AMBRA1: variants seen among roughly 807,000 people sequenced by gnomAD.
The protein encoded by AMBRA1 is activating molecule in BECN1-regulated autophagy protein 1.
Under a neutral mutation model 125.4 loss-of-function variants are expected in AMBRA1, and 47 were observed. The ratio of observed to expected loss-of-function variants is 0.37; its 90% CI spans 0.30 to 0.48. The LOEUF is 0.48. Among genes scored for constraint, AMBRA1 ranks in the 20% least tolerant of loss-of-function variants. The probability of loss-of-function intolerance (pLI) is 0.99; values close to 1 mark genes in which losing one functional copy is unlikely to be tolerated. For synonymous variants in AMBRA1, 626 were observed against 655.5 expected (o/e 0.95, Z 0.69); for missense variants, 1,331 against 1,693.4 (o/e 0.79, Z 3.76).
chr11:46,449,326 A>T (rs1465441979), intron 11 of AMBRA1, among the ~76,000 whole-genome samples: 1 of 152,358 alleles, frequency 6.6e-6, no homozygotes, highest in Non-Finnish European at 1.5e-5. Context: ...CTATTAAATA[A>T]TTATAGCAAG....
chr11:46,539,064 T>C (rs1336086466), intron 7 of AMBRA1, among the ~76,000 whole-genome samples: 1 of 151,700 alleles, frequency 6.6e-6, no homozygotes, highest in Non-Finnish European at 1.5e-5. Flanking sequence ...GAAAATCTAG[T>C]GGTTACAGAC....
chr11:46,484,711 A>G (rs1201928838), intron 11 of AMBRA1, among the ~76,000 whole-genome samples: 1 of 150,740 alleles, frequency 6.6e-6, no homozygotes, highest in Non-Finnish European at 1.5e-5. Flanking sequence ...CAGTGGTGCG[A>G]TCTCTGGCTC....
intron 15 of AMBRA1, among the ~76,000 whole-genome samples, chr11:46,414,885 A>C (rs539435082): frequency 6.8e-4 from 103 of 152,272 alleles, no homozygotes; most frequent in African/African-American, 2.4e-3. Context: ...TCTACTGCCA[A>C]GTGGGTTTTA....
chr11:46,484,387 AT>A (rs1950191505), intron 11 of AMBRA1, among the ~76,000 whole-genome samples: 1 of 152,222 alleles, frequency 6.6e-6, no homozygotes, highest in Non-Finnish European at 1.5e-5. Flanking sequence ...GTCATTATAG[AT>A]TAGAGAGAAT....
At chr11:46,434,511 T>C (rs531951906) in intron 13 of AMBRA1, among the ~76,000 whole-genome samples, 2 of 152,324 alleles carry the variant, frequency 1.3e-5, no homozygotes, top group African/African-American at 4.8e-5. Context: ...TTTCTGATTA[T>C]TTCCTTAAAA....
intron 1 of AMBRA1, among the ~76,000 whole-genome samples, chr11:46,586,167 G>A (rs988950400): frequency 1.3e-5 from 2 of 152,152 alleles, no homozygotes; most frequent in African/African-American, 4.8e-5. Flanking sequence ...AGCACTTAGG[G>A]AGATCGAGGT....
intron 7 of AMBRA1, among the ~76,000 whole-genome samples, chr11:46,533,071 G>A (rs369655473): frequency 6.6e-5 from 10 of 152,114 alleles, no homozygotes; most frequent in African/African-American, 2.2e-4. Flanking sequence ...GCTGAGGCAC[G>A]AGAATCGCTT....
At chr11:46,531,192 T>TC (rs1432520539) in intron 7 of AMBRA1, among the ~76,000 whole-genome samples, 1 of 151,864 alleles carries the variant, frequency 6.6e-6, no homozygotes, top group Non-Finnish European at 1.5e-5. Flanking sequence ...CCACACTCAC[T>TC]CATTTAGATA....
At chr11:46,399,836 GAGGGAGAGA>G (rs892260989) in intron 17 of AMBRA1, among the ~76,000 whole-genome samples, 2 of 152,202 alleles carry the variant, frequency 1.3e-5, no homozygotes, top group African/African-American at 4.8e-5. Context: ...CAGGTCTAGG[GAGGGAGAGA>G]AGGATCTGTC....
At position 46,543,270 on chromosome 11, in the gene AMBRA1, G is replaced by A. The variant is rs1298701426; in HGVS notation, c.747C>T (p.Ser249=). 1 of 1,614,060 alleles carries A rather than the reference G, an allele frequency of 6.2e-7. No homozygotes were observed. The highest frequency in any genetic ancestry group is 8.5e-7 in the Non-Finnish European group (1 of 1,180,004). ...CTCCCACCTGGATGCCAGAAGAGCG[G>A]GAGGACAGCATGTGCAGGAAATTGT... The part of the protein sequence containing the change: ...LLHNFLHMLS[S]RSSGIQVGEQ... The change falls in exon 7 of 18, where the codon TCC becomes TCT. Residue 249 remains serine, a synonymous_variant. Coordinates refer to ENST00000683756, the MANE Select transcript of AMBRA1 (RefSeq NM_001387011.1).
chr11:46,447,704 T>C (rs1262390677), intron 11 of AMBRA1, among the ~76,000 whole-genome samples: 1 of 150,276 alleles, frequency 6.7e-6, no homozygotes, highest in Non-Finnish European at 1.5e-5. Flanking sequence ...AGCCAGACCA[T>C]CTTGTAGATA....
chr11:46,418,394 T>C (rs1232035048), intron 14 of AMBRA1, among the ~76,000 whole-genome samples: 1 of 145,742 alleles, frequency 6.9e-6, no homozygotes, highest in African/African-American at 2.5e-5. Context: ...ATATTTATTA[T>C]ATATTATATA....
chr11:46,507,590 AAAG>A (rs1477270934), intron 9 of AMBRA1, among the ~76,000 whole-genome samples: 2 of 152,188 alleles, frequency 1.3e-5, no homozygotes, highest in South Asian at 2.1e-4. Context: ...AAAAAAGCCC[AAAG>A]AAGCAAGAAA....
At position 46,572,233 on chromosome 11, in the gene AMBRA1, G is replaced by A. The variant is rs1371826881; in HGVS notation, c.-121+21595C>T. ...GGAGAATCGCTTAAACCCGGGAGGC[G>A]GAGGTTGCAGGGAGCAGAGATCGTG... On this transcript the variant is annotated intron_variant, in intron 1 of 17. Transcript: ENST00000683756. Among the ~76,000 whole-genome samples, 14 of 152,178 alleles carry A rather than the reference G, an allele frequency of 9.2e-5. 2 individuals are homozygous for A. The highest frequency in any genetic ancestry group is 1.9e-4 in the East Asian group (1 of 5,146).
chr11:46,486,925 A>G (rs537080671), intron 11 of AMBRA1, among the ~76,000 whole-genome samples: 31 of 148,600 alleles, frequency 2.1e-4, no homozygotes, highest in Middle Eastern at 3.6e-3. Context: ...AAATAAATAA[A>G]TAAATAAATA....
intron 14 of AMBRA1, among the ~76,000 whole-genome samples, 156 bp downstream of exon 14, chr11:46,433,318 G>A (rs1401125618): frequency 6.6e-6 from 1 of 152,198 alleles, no homozygotes; most frequent in Non-Finnish European, 1.5e-5. Context: ...AATGAAGCCT[G>A]CTGGTCATGG....
chr11:46,557,959 A>G lies in AMBRA1; in HGVS notation c.-120-9459T>C, dbSNP rs76034988. Among the ~76,000 whole-genome samples, 1,405 of 151,874 alleles carry G rather than the reference A, an allele frequency of 9.3e-3. 13 individuals carry two copies. The highest frequency in any genetic ancestry group is 0.033 in the African/African-American group (1,356 of 41,394). ...TACACTCCAGCCTGGGCGACTGAGC[A>G]AGACTCAGAGAGGACCTGCATGATA... On this transcript the variant is annotated intron_variant, in intron 1 of 17. Coordinates refer to ENST00000683756, the MANE Select transcript of AMBRA1 (RefSeq NM_001387011.1).
chr11:46,447,070 A>C (rs981745433), intron 11 of AMBRA1, among the ~76,000 whole-genome samples: 1 of 152,224 alleles, frequency 6.6e-6, no homozygotes, highest in Non-Finnish European at 1.5e-5. Flanking sequence ...AGGGTATAAT[A>C]GTACCTACAA....
At chr11:46,464,835 A>C (rs1182170327) in intron 11 of AMBRA1, among the ~76,000 whole-genome samples, 6 of 151,986 alleles carry the variant, frequency 3.9e-5, no homozygotes, top group African/African-American at 1.4e-4. Context: ...TCACGAGGTC[A>C]AGAGTTTGAG....
Sources: allele counts gnomAD v4.1 joint callset (sites outside exome capture counted in the v4.1 genomes callset), GRCh38; gene constraint gnomAD v4.1.1; transcripts MANE v1.5; gene names NCBI Gene and HGNC (gene_info 2026-07-23, HGNC 2026-07-21).